NWD2: variants seen among roughly 807,000 people sequenced by gnomAD.
NWD2 encodes NACHT and WD repeat domain-containing protein 2.
NWD2 carries 37 observed loss-of-function variants against 132.7 expected under a neutral mutation model. That is an observed-to-expected ratio of 0.28 (90% CI 0.21 to 0.37). NWD2 has a LOEUF of 0.37. Among genes scored for constraint, NWD2 ranks in the 10% least tolerant of loss-of-function variants. The pLI is 1.00. For missense variants in NWD2, 1,592 were observed against 2,122.4 expected (o/e 0.75, Z 4.91); for synonymous variants, 705 against 803.0 (o/e 0.88, Z 2.06).
chr4:37,325,859 T>G (rs1486654395), intron 1 of NWD2, 77 bp from the exon 2 acceptor site: 2 of 810,460 alleles, frequency 2.5e-6, no homozygotes, highest in Non-Finnish European at 4.0e-6. Context: ...TAGTATTTAT[T>G]TTTAGGTTTT....
chr4:37,444,934 C>T lies in NWD2; in HGVS notation c.2946C>T (p.Val982=), dbSNP rs1197975157. The T allele has an allele frequency of 6.4e-7, 1 of 1,552,294 alleles. No homozygotes were observed. The highest frequency in any genetic ancestry group is 8.7e-7 in the Non-Finnish European group (1 of 1,147,132). Residue 982 remains valine (V), a synonymous_variant, in exon 7 of 7, where the codon GTC becomes GTT. Transcript: ENST00000309447. This position sits in a 1 kb window ranked among gnomAD's most constrained non-coding sequence, Gnocchi z 4.8. ...EILPTCNPST[V]LTALENGSIS... ...TGCCTACCTGTAACCCCAGCACTGT[C>T]CTCACAGCTTTAGAAAATGGTTCCA... is the stretch of plus-strand genomic sequence containing the variant.
At chr4:37,335,809 G>T (rs891273026) in intron 2 of NWD2, among the ~76,000 whole-genome samples, 1 of 149,962 alleles carries the variant, frequency 6.7e-6, no homozygotes, top group Non-Finnish European at 1.5e-5. Context: ...CACAAAACTG[G>T]TCCCTGGTGC....
intron 1 of NWD2, among the ~76,000 whole-genome samples, chr4:37,288,592 G>C (rs1003383491): frequency 5.9e-5 from 9 of 152,224 alleles, no homozygotes; most frequent in African/African-American, 2.2e-4. Context: ...AGCATGTGCA[G>C]AAATTTAATC....
intron 1 of NWD2, among the ~76,000 whole-genome samples, chr4:37,302,683 G>A (rs746460551): frequency 2.0e-5 from 3 of 152,060 alleles, no homozygotes; most frequent in Non-Finnish European, 2.9e-5. Flanking sequence ...ATGTCTCACT[G>A]TGGTTTTGAT....
At position 37,356,399 on chromosome 4, in the gene NWD2, G is replaced by C; in HGVS notation, c.274G>C (p.Glu92Gln). 6.4e-7 allele frequency: 1 copy of C among 1,551,382 alleles called. No homozygotes were observed. The highest frequency in any genetic ancestry group is 8.7e-7 in the Non-Finnish European group (1 of 1,146,700). Residue 92 changes from glutamate to glutamine, a missense_variant, in exon 3 of 7, where the codon GAG becomes CAG. Physicochemically the swap from Glu to Gln is conservative, Grantham distance 29. Transcript: ENST00000309447. ...IDLYWGVEED[E>Q]WDSPELQKTR... ...TCTGTACTGGGGAGTGGAAGAAGAT[G>C]AGTGGGACAGCCCAGAGCTCCAGAA...
chr4:37,440,681 G>A (rs563330082), intron 6 of NWD2, among the ~76,000 whole-genome samples: 5 of 152,198 alleles, frequency 3.3e-5, no homozygotes, highest in African/African-American at 7.2e-5. Context: ...GACTAGCAGC[G>A]GGTAATCTGT....
Position 37,439,398 on chromosome 4 carries a change from C to G in NWD2, c.1296+8C>G. 2 of 1,409,048 alleles carry G rather than the reference C, an allele frequency of 1.4e-6. No homozygotes were observed. The highest frequency in any genetic ancestry group is 3.2e-5 in the South Asian group (2 of 61,760). 87.3% of individuals were successfully genotyped at this position (1,409,048 alleles called of 1,614,324 possible). ...GCTGAAGTAGCAAAGAAGGTAAAAG[C>G]CTATTCTTTCCCGTGTATATTTGTA... On this transcript the variant is annotated splice_region_variant and intron_variant, in intron 6 of 6. Transcript: ENST00000309447. The surrounding 1 kb of genome is among the most constrained non-coding windows in gnomAD (Gnocchi z 4.5).
chr4:37,363,650 C>A (rs1439739799), intron 3 of NWD2, among the ~76,000 whole-genome samples: 1 of 152,086 alleles, frequency 6.6e-6, no homozygotes, highest in African/African-American at 2.4e-5. Context: ...CACACACATG[C>A]TGCCATCAGT....
At chr4:37,344,907 A>G (rs1719601870) in intron 2 of NWD2, among the ~76,000 whole-genome samples, 1 of 152,100 alleles carries the variant, frequency 6.6e-6, no homozygotes, top group Non-Finnish European at 1.5e-5. Flanking sequence ...AGCAACTGCT[A>G]ATCTGCTTTT....
In NWD2 at chr4:37,260,762, A is replaced by T. The variant is rs867299583; in HGVS notation, c.151+15544A>T. On this transcript the variant is annotated intron_variant, in intron 1 of 6. Coordinates refer to ENST00000309447, the MANE Select transcript of NWD2 (RefSeq NM_001144990.2). ...TTAGGCCTACAGATGAGACTATTAG[A>T]TTGATTTTTTTAAAAAACATCATTG... Among the ~76,000 whole-genome samples the T allele has an allele frequency of 3.3e-5, 5 of 152,314 alleles. No individual in the cohort carries two copies. The Middle Eastern group carries it at 0.017, about 518-fold the overall frequency.
chr4:37,337,277 A>G (rs1208083009), intron 2 of NWD2, among the ~76,000 whole-genome samples: 1 of 152,204 alleles, frequency 6.6e-6, no homozygotes, highest in Non-Finnish European at 1.5e-5. Context: ...TGGGTGTCAT[A>G]TGTTACATTT....
chr4:37,404,902 C>T (rs1413373784), intron 3 of NWD2, among the ~76,000 whole-genome samples: 1 of 152,130 alleles, frequency 6.6e-6, no homozygotes, highest in African/African-American at 2.4e-5. Context: ...GACAGCAGCA[C>T]CAAAGGGGAT....
intron 2 of NWD2, among the ~76,000 whole-genome samples, chr4:37,326,998 A>G (rs1465310651): frequency 6.6e-6 from 1 of 152,148 alleles, no homozygotes; most frequent in African/African-American, 2.4e-5. Flanking sequence ...CACACATTGA[A>G]TTGTCACTCA....
chr4:37,346,250 C>T (rs1342412130), intron 2 of NWD2, among the ~76,000 whole-genome samples: 1 of 152,114 alleles, frequency 6.6e-6, no homozygotes, highest in Non-Finnish European at 1.5e-5. Flanking sequence ...GTTGCCCCAA[C>T]ACCATTTGTC....
At chr4:37,318,506 G>A (rs927150270) in intron 1 of NWD2, among the ~76,000 whole-genome samples, 1 of 152,120 alleles carries the variant, frequency 6.6e-6, no homozygotes, top group African/African-American at 2.4e-5. Flanking sequence ...ATTTCATGAT[G>A]CTGAGGTTTG....
chr4:37,445,195 C>T lies in NWD2; in HGVS notation c.3207C>T (p.Asn1069=), dbSNP rs369782013. 1.3e-4 allele frequency: 197 copies of T among 1,552,012 alleles called. No individual in the cohort carries two copies. Among genetic ancestry groups the T allele is most frequent in the Non-Finnish European group, 1.6e-4 (184 of 1,147,066 alleles). ...TCAATGGATTTACACTGTCCGCCAACCACGCCCTTGCATGGCTCGAAGCCA... is the reference window on the plus strand; with the variant it reads ...TCAATGGATTTACACTGTCCGCCAATCACGCCCTTGCATGGCTCGAAGCCA... The part of the protein sequence containing the change: ...TYINGFTLSA[N]HALAWLEASK... The change falls in exon 7 of 7, where the codon AAC becomes AAT. Residue 1069 remains asparagine (N), a synonymous_variant. Transcript: ENST00000309447. The surrounding 1 kb of genome is among the most constrained non-coding windows in gnomAD (Gnocchi z 4.7).
chr4:37,425,175 A>G (rs1290428715), intron 3 of NWD2, among the ~76,000 whole-genome samples: 2 of 152,182 alleles, frequency 1.3e-5, no homozygotes, highest in Admixed American at 6.5e-5. Flanking sequence ...ATACAACATA[A>G]AATTAACCAT....
At chr4:37,390,545 T>C (rs964466215) in intron 3 of NWD2, among the ~76,000 whole-genome samples, 4 of 152,144 alleles carry the variant, frequency 2.6e-5, no homozygotes, top group African/African-American at 2.4e-5. Flanking sequence ...TTGTCCCACC[T>C]CCAGAGGTTC....
chr4:37,342,948 A>G (rs886695969), intron 2 of NWD2, among the ~76,000 whole-genome samples: 2 of 152,082 alleles, frequency 1.3e-5, no homozygotes, highest in Non-Finnish European at 2.9e-5. Flanking sequence ...ATGCCCTCCT[A>G]TATATCCGTC....
Sources: gnomAD v4.1 joint callset for allele counts (sites outside exome capture counted in the v4.1 genomes callset) on GRCh38, gnomAD v4.1.1 for gene constraint, Gnocchi (gnomAD v3.1) non-coding constraint, MANE v1.5 for transcripts, NCBI Gene and HGNC (gene_info 2026-07-23, HGNC 2026-07-21) for gene names.